Variants in ARHGAP24 observed in about 807,000 individuals in gnomAD.
The protein encoded by ARHGAP24 is Rho GTPase activating protein 24.
ARHGAP24 carries 50 observed loss-of-function variants against 76.4 expected under a neutral mutation model. The observed-to-expected ratio is 0.65, with a 90% CI of 0.52 to 0.83. The LOEUF (loss-of-function observed/expected upper bound fraction) is 0.83. Ranked by LOEUF, ARHGAP24 falls within the 40% of genes least tolerant of loss-of-function variation. The probability of loss-of-function intolerance (pLI) is 0.00; values close to 1 mark genes in which losing one functional copy is unlikely to be tolerated. For missense variants in ARHGAP24, 930 were observed against 914.2 expected, an observed-to-expected ratio of 1.02 and a Z score of -0.22; for synonymous variants, 345 against 323.3, an observed-to-expected ratio of 1.07 and a Z score of -0.72.
intron 3 of ARHGAP24, among the ~76,000 whole-genome samples, chr4:85,808,393 T>C (rs1316590838): frequency 6.6e-6 from 1 of 152,218 alleles, no homozygotes; most frequent in Non-Finnish European, 1.5e-5. Context: ...TTCTTTTTGG[T>C]TCATTGTAAA....
chr4:85,980,756 G>A (rs1247554124), intron 8 of ARHGAP24, among the ~76,000 whole-genome samples: 1 of 152,164 alleles, frequency 6.6e-6, no homozygotes, highest in Non-Finnish European at 1.5e-5. Context: ...GGGGGCCCCA[G>A]AGATGCATTC....
chr4:85,927,543 C>T (rs1036444517), intron 4 of ARHGAP24, among the ~76,000 whole-genome samples: 1 of 152,148 alleles, frequency 6.6e-6, no homozygotes, highest in African/African-American at 2.4e-5. Flanking sequence ...GTCATAATCA[C>T]CCTTCATAAG....
chr4:85,703,100 G>T (rs889998741), intron 2 of ARHGAP24, among the ~76,000 whole-genome samples: 2 of 152,108 alleles, frequency 1.3e-5, no homozygotes, highest in Non-Finnish European at 2.9e-5. Context: ...CTGGGTCATT[G>T]TTGATAAAAA....
chr4:85,555,092 G>A (rs776787744), intron 1 of ARHGAP24, among the ~76,000 whole-genome samples: 98 of 152,142 alleles, frequency 6.4e-4, no homozygotes, highest in Non-Finnish European at 1.2e-3. Context: ...GATGCTCTTC[G>A]TTCCTATCCA....
intron 3 of ARHGAP24, among the ~76,000 whole-genome samples, chr4:85,774,669 C>A (rs573739125): frequency 6.6e-6 from 1 of 152,106 alleles, no homozygotes; most frequent in African/African-American, 2.4e-5. Flanking sequence ...TAATACAATT[C>A]GAAAGGTTAC....
intron 3 of ARHGAP24, among the ~76,000 whole-genome samples, chr4:85,890,202 T>C (rs1331860204): frequency 1.3e-5 from 2 of 152,190 alleles, no homozygotes; most frequent in Admixed American, 6.5e-5. Flanking sequence ...TTACTCAGTA[T>C]AGAATAAAGA....
At chr4:85,945,532 G>A (rs960794220) in intron 5 of ARHGAP24, among the ~76,000 whole-genome samples, 16 of 152,068 alleles carry the variant, frequency 1.1e-4, no homozygotes, top group East Asian at 3.9e-4. Flanking sequence ...GGGAGGCCAA[G>A]GTGGGAGGAT....
intron 2 of ARHGAP24, among the ~76,000 whole-genome samples, chr4:85,637,094 G>A (rs751255293): frequency 7.2e-5 from 11 of 152,076 alleles, no homozygotes; most frequent in African/African-American, 2.2e-4. Context: ...TTAAATACAT[G>A]TGTGGCACAG....
chr4:85,543,298 G>A (rs1725782499), intron 1 of ARHGAP24, among the ~76,000 whole-genome samples: 2 of 152,198 alleles, frequency 1.3e-5, no homozygotes, highest in East Asian at 3.8e-4. Context: ...TCGGCCTGGT[G>A]ATAGTACTGA....
rs140791894 is a variant in ARHGAP24 at position 85,939,600 on chromosome 4, T to C, written c.392-2466T>C. On this transcript the variant is annotated intron_variant, in intron 4 of 9. Transcript: ENST00000395184. ...CTATAGTTTTAAAGTAAATTCTCAT[T>C]TTATTATAAAGGCAAACCTGCATGT... 2.5e-3 allele frequency among the ~76,000 whole-genome samples: 388 copies of C among 152,296 alleles called. 1 individual carries two copies. Among genetic ancestry groups the C allele is most frequent in the African/African-American group, 9.0e-3 (373 of 41,570 alleles).
intron 3 of ARHGAP24, among the ~76,000 whole-genome samples, chr4:85,901,291 C>T (rs1383989542): frequency 6.6e-6 from 1 of 151,930 alleles, no homozygotes; most frequent in East Asian, 1.9e-4. Context: ...GCTGTAACTC[C>T]CTTATATTAA....
chr4:85,716,393 G>C (rs1409426103), intron 2 of ARHGAP24, among the ~76,000 whole-genome samples: 2 of 152,020 alleles, frequency 1.3e-5, no homozygotes, highest in African/African-American at 4.8e-5. Context: ...AAGTTTTAAA[G>C]ATTCTTCATA....
chr4:85,588,818 A>G (rs1194174528), intron 2 of ARHGAP24, among the ~76,000 whole-genome samples: 1 of 152,240 alleles, frequency 6.6e-6, no homozygotes. Flanking sequence ...AGTTTCTAAC[A>G]TGCATAGGAA....
At chr4:85,531,301 T>A (rs1364375739) in intron 1 of ARHGAP24, among the ~76,000 whole-genome samples, 2 of 152,068 alleles carry the variant, frequency 1.3e-5, no homozygotes, top group Non-Finnish European at 2.9e-5. Flanking sequence ...CCCCAACACT[T>A]AGAACAGTGT....
At chr4:85,973,382 CTTA>C (rs1316647343) in intron 6 of ARHGAP24, among the ~76,000 whole-genome samples, 1 of 152,010 alleles carries the variant, frequency 6.6e-6, no homozygotes, top group African/African-American at 2.4e-5. Flanking sequence ...GGTTATTTGC[CTTA>C]TTATTAATAG....
intron 3 of ARHGAP24, among the ~76,000 whole-genome samples, chr4:85,767,086 T>C (rs1275488832): frequency 6.6e-6 from 1 of 152,124 alleles, no homozygotes; most frequent in African/African-American, 2.4e-5. Context: ...CCCACGTGTG[T>C]AGTAGGCTAT....
intron 2 of ARHGAP24, among the ~76,000 whole-genome samples, chr4:85,674,449 T>C (rs1245915121): frequency 6.6e-6 from 1 of 152,190 alleles, no homozygotes; most frequent in Admixed American, 6.6e-5. Context: ...ACAAAATCTT[T>C]TTGATATATG....
At chr4:85,673,213 G>A (rs1722868425) in intron 2 of ARHGAP24, among the ~76,000 whole-genome samples, 1 of 152,188 alleles carries the variant, frequency 6.6e-6, no homozygotes, top group Admixed American at 6.5e-5. Context: ...TGGATTCAGA[G>A]ATTCTCTATC....
intron 1 of ARHGAP24, among the ~76,000 whole-genome samples, chr4:85,526,023 A>T (rs148623957): frequency 4.3e-4 from 65 of 152,190 alleles, no homozygotes; most frequent in Admixed American, 1.6e-3. Flanking sequence ...CTCCTTTGAA[A>T]CTGAGATAAT....
Sources: gnomAD v4.1 joint callset for allele counts (sites outside exome capture counted in the v4.1 genomes callset) on GRCh38, gnomAD v4.1.1 for gene constraint, MANE v1.5 for transcripts, NCBI Gene and HGNC (gene_info 2026-07-23, HGNC 2026-07-21) for gene names.